Variants in SIM1 observed in about 807,000 individuals in gnomAD.
The protein encoded by SIM1 is single-minded homolog 1.
A neutral mutation model predicts 78.2 loss-of-function variants in SIM1; 18 were observed. The ratio of observed to expected loss-of-function variants is 0.23; its 90% CI spans 0.16 to 0.34. The LOEUF (loss-of-function observed/expected upper bound fraction) is 0.34. SIM1 is among the 10% of genes least tolerant of loss of function. The pLI is 1.00. For missense variants in SIM1, 939 were observed against 975.1 expected (o/e 0.96, Z 0.49); for synonymous variants, 417 against 385.2 (o/e 1.08, Z -0.97).
intron 9 of SIM1, among the ~76,000 whole-genome samples, chr6:100,433,699 G>A (rs978562571): frequency 4.6e-5 from 7 of 151,220 alleles, no homozygotes; most frequent in South Asian, 2.1e-4. Context: ...TCTTGCCACT[G>A]CACTGCAGCC....
At chr6:100,410,676 A>T (rs1488530038) in intron 10 of SIM1, among the ~76,000 whole-genome samples, 1 of 152,154 alleles carries the variant, frequency 6.6e-6, no homozygotes, top group African/African-American at 2.4e-5. Context: ...AATGGGCCAG[A>T]CTGTCAAGAT....
intron 2 of SIM1, among the ~76,000 whole-genome samples, chr6:100,455,492 C>A (rs1285428580): frequency 2.6e-5 from 4 of 152,240 alleles, no homozygotes; most frequent in African/African-American, 9.6e-5. Flanking sequence ...TCCTTCGTTT[C>A]TGTCACGACC....
intron 10 of SIM1, among the ~76,000 whole-genome samples, chr6:100,398,912 C>T (rs1770835206): frequency 6.6e-6 from 1 of 150,552 alleles, no homozygotes; most frequent in Admixed American, 6.7e-5. Context: ...AATGTATCTA[C>T]ATCCTCACCA....
In SIM1 at chr6:100,393,764, G is replaced by C. The variant is rs139715467; in HGVS notation, c.1293C>G (p.Asp431Glu). ...AAAACTGTCTGTAGGCGCACGATGC[G>C]TCGTGCTGGGAGCCAGGCCTATCGG... ...DPADRPGSQHDASCAYRQFSD... is the reference protein window; with the variant it reads ...DPADRPGSQHEASCAYRQFSD... The change falls in exon 11 of 12, where the codon GAC (aspartate) becomes GAG (glutamate). Residue 431 changes from aspartate (D) to glutamate (E), a missense_variant. Physicochemically the swap from Asp to Glu is conservative, Grantham distance 45. This residue lies in a region of SIM1 where 556 missense variants were observed against 521.9 expected (regional missense o/e 1.07). Transcript: ENST00000369208. 20 of 1,614,212 alleles carry C rather than the reference G, an allele frequency of 1.2e-5. No homozygotes were observed. Among genetic ancestry groups the C allele is most frequent in the Non-Finnish European group, 1.6e-5 (19 of 1,180,030 alleles).
At chr6:100,464,423 C>T (rs570343024) in intron 1 of SIM1, among the ~76,000 whole-genome samples, 191 bp downstream of exon 1, 16 of 152,304 alleles carry the variant, frequency 1.1e-4, no homozygotes, top group Non-Finnish European at 4.4e-5. Context: ...ACTCCCAAGG[C>T]GACCCAGCGC....
chr6:100,449,501 G>GAC, intron 5 of SIM1, 53 bp from the exon 6 acceptor site: 1 of 1,574,634 alleles, frequency 6.4e-7, no homozygotes. Context: ...GGCGGCGTGG[G>GAC]ACAGCACGCG....
Position 100,463,600 on chromosome 6 carries a change from T to A in SIM1, c.-132A>T. The A allele has an allele frequency of 1.2e-6, 1 of 830,658 alleles. No individual in the cohort carries two copies. Among genetic ancestry groups the A allele is most frequent in the Non-Finnish European group, 1.9e-6 (1 of 521,610 alleles). The allele number at this position is 830,658 out of a possible 1,614,324, so 51.5% of individuals were successfully genotyped here. A position where few individuals can be genotyped will look rare whatever the true frequency, so the allele number is the denominator to read the frequency against. On this transcript the variant is annotated 5_prime_UTR_variant, in exon 2 of 12. Coordinates refer to ENST00000369208, the MANE Select transcript of SIM1 (RefSeq NM_005068.3). ...ACTTTGAATAAAGAGGCTGAAGTATTTGCACCAAGAACAGTGTATTGATGG... is the reference window on the plus strand; with the variant it reads ...ACTTTGAATAAAGAGGCTGAAGTATATGCACCAAGAACAGTGTATTGATGG...
chr6:100,409,762 TTC>T (rs1212723876), intron 10 of SIM1, among the ~76,000 whole-genome samples: 4 of 152,180 alleles, frequency 2.6e-5, no homozygotes, highest in Non-Finnish European at 4.4e-5. Context: ...TATTTTTTAT[TTC>T]TTTTTTTATT....
intron 3 of SIM1, 64 bp from the exon 4 acceptor site, chr6:100,450,420 A>G: frequency 6.9e-7 from 1 of 1,450,890 alleles, no homozygotes; most frequent in East Asian, 2.3e-5. Context: ...TGGGAGCAGG[A>G]GGACAGAAGT....
intron 10 of SIM1, among the ~76,000 whole-genome samples, chr6:100,402,093 A>G (rs370970471): frequency 7.2e-5 from 11 of 152,336 alleles, no homozygotes; most frequent in African/African-American, 2.6e-4. Flanking sequence ...AATAATATGT[A>G]TAACAGCACT....
At chr6:100,429,111 G>A (rs1771822068) in intron 9 of SIM1, among the ~76,000 whole-genome samples, 1 of 152,180 alleles carries the variant, frequency 6.6e-6, no homozygotes, top group Admixed American at 6.5e-5. Flanking sequence ...GCTCACGCCT[G>A]TAATCCCAGC....
intron 4 of SIM1, 142 bp downstream of exon 4, chr6:100,450,125 T>C (rs1772470732): frequency 1.4e-6 from 1 of 707,148 alleles, no homozygotes; most frequent in Non-Finnish European, 2.5e-6. Context: ...GACCCAGAAC[T>C]ATTTAAGAGT....
intron 9 of SIM1, among the ~76,000 whole-genome samples, chr6:100,421,317 A>T (rs1195088973): frequency 6.6e-6 from 1 of 152,150 alleles, no homozygotes; most frequent in East Asian, 1.9e-4. Context: ...TACCACCAAT[A>T]TAAGGAGAAT....
At chr6:100,418,494 C>T (rs2114500913) in intron 10 of SIM1, among the ~76,000 whole-genome samples, 1 of 152,224 alleles carries the variant, frequency 6.6e-6, no homozygotes, top group South Asian at 2.1e-4. Context: ...TTTCTGCCCA[C>T]CCTCACCACA....
intron 9 of SIM1, among the ~76,000 whole-genome samples, chr6:100,434,505 C>T (rs1301861999): frequency 1.3e-5 from 2 of 152,220 alleles, no homozygotes; most frequent in Non-Finnish European, 2.9e-5. Context: ...ACAAGTGAAG[C>T]TCCTGGTTCA....
In SIM1 at chr6:100,390,419, T is replaced by G; in HGVS notation, c.2243A>C (p.Gln748Pro). ...CTTGTGTCCTTGTGCTGGGTCTGGT[T>G]GCATCCTCAGATGGGAAGTTACATC... The part of the protein sequence containing the change: ...HFDVTSHLRM[Q>P]PDPAQGHKGT... Residue 748 changes from glutamine (Q) to proline (P), a missense_variant, in exon 12 of 12, where the codon CAA becomes CCA. Gln to Pro is a moderately conservative substitution (Grantham distance 76, BLOSUM62 -1). Transcript: ENST00000369208. 1.2e-6 allele frequency: 2 copies of G among 1,614,156 alleles called. No homozygotes were observed. Among genetic ancestry groups the G allele is most frequent in the Non-Finnish European group, 1.7e-6 (2 of 1,180,020 alleles).
intron 1 of SIM1, 109 bp downstream of exon 1, chr6:100,464,505 C>T (rs959032015): frequency 3.9e-5 from 6 of 152,172 alleles, no homozygotes; most frequent in Non-Finnish European, 7.3e-5. Flanking sequence ...GCGCTCGCGA[C>T]AGCCCCTCGC....
chr6:100,463,312 T>G lies in SIM1; in HGVS notation c.157A>C (p.Arg53=), dbSNP rs777013175. Residue 53 remains arginine, a synonymous_variant, in exon 2 of 12, where the codon AGA becomes CGA. Transcript: ENST00000369208. Reference sequence around the variant, plus strand: ...CACTTACCTTCTGGGAACACCACTCTCATTTTGAGATAGCTGGTCGTGAGT... The same window carrying G: ...CACTTACCTTCTGGGAACACCACTCGCATTTTGAGATAGCTGGTCGTGAGT... ...IRLTTSYLKM[R]VVFPEGLGEA... is the part of the protein sequence containing the mutation. 1.2e-6 allele frequency: 2 copies of G among 1,612,298 alleles called. No homozygotes were observed. Among genetic ancestry groups the G allele is most frequent in the Non-Finnish European group, 1.7e-6 (2 of 1,178,474 alleles).
chr6:100,443,929 T>C (rs1248363606), intron 9 of SIM1, among the ~76,000 whole-genome samples: 4 of 152,124 alleles, frequency 2.6e-5, no homozygotes, highest in Non-Finnish European at 5.9e-5. Context: ...CTTTTAACTT[T>C]TATATTTGCA....
Sources: gnomAD v4.1 joint callset for allele counts (sites outside exome capture counted in the v4.1 genomes callset) on GRCh38, gnomAD v4.1.1 for gene constraint, gnomAD v4.1.1 regional missense constraint, MANE v1.5 for transcripts, NCBI Gene and HGNC (gene_info 2026-07-23, HGNC 2026-07-21) for gene names.